The following NRG3 variants were observed in gnomAD, a reference collection of about 807,000 sequenced individuals.
NRG3 encodes the protein pro-neuregulin-3, membrane-bound isoform.
Under a neutral mutation model 66.9 loss-of-function variants are expected in NRG3, and 31 were observed. That is an observed-to-expected ratio of 0.46 (90% confidence interval 0.35 to 0.63). The LOEUF (loss-of-function observed/expected upper bound fraction) is 0.63, where lower values mean the gene tolerates loss of function less well. Among genes scored for constraint, NRG3 ranks in the 20% least tolerant of loss-of-function variants. The pLI is 0.00. For synonymous variants in NRG3, 393 were observed against 359.4 expected (o/e 1.09, Z -1.06); for missense variants, 910 against 878.9 (o/e 1.04, Z -0.45).
intron 2 of NRG3, among the ~76,000 whole-genome samples, chr10:82,737,546 A>T (rs555595977): frequency 6.6e-6 from 1 of 152,114 alleles, no homozygotes; most frequent in African/African-American, 2.4e-5. Context: ...GATTTTTTTT[A>T]ATGCCAGCAG....
intron 2 of NRG3, among the ~76,000 whole-genome samples, chr10:82,605,201 T>C (rs1296695744): frequency 6.6e-6 from 1 of 152,016 alleles, no homozygotes; most frequent in Non-Finnish European, 1.5e-5. Flanking sequence ...TCTTTACCAG[T>C]TTGAGAAAGT....
intron 1 of NRG3, among the ~76,000 whole-genome samples, chr10:82,158,828 T>C (rs2071367149): frequency 6.6e-6 from 1 of 151,894 alleles, no homozygotes; most frequent in Non-Finnish European, 1.5e-5. Context: ...AATAAGAGCC[T>C]TTTTTCCTTC....
chr10:82,762,019 T>TTTTC (rs1269347310), intron 3 of NRG3, among the ~76,000 whole-genome samples: 1 of 151,014 alleles, frequency 6.6e-6, no homozygotes. Context: ...TCTTTCTTTC[T>TTTTC]TTTCTTTCTT....
intron 2 of NRG3, among the ~76,000 whole-genome samples, chr10:82,714,133 A>G (rs1039728375): frequency 6.6e-6 from 1 of 152,254 alleles, no homozygotes; most frequent in Non-Finnish European, 1.5e-5. Flanking sequence ...GATATGTATT[A>G]CTATGTACAA....
At chr10:81,923,204 G>C (rs777562048) in intron 1 of NRG3, among the ~76,000 whole-genome samples, 1 of 150,188 alleles carries the variant, frequency 6.7e-6, no homozygotes, top group South Asian at 2.1e-4. Flanking sequence ...TCACAACTCT[G>C]ATCAGACTAC....
intron 3 of NRG3, among the ~76,000 whole-genome samples, chr10:82,743,558 A>G (rs2058518472): frequency 6.6e-6 from 1 of 152,176 alleles, no homozygotes; most frequent in African/African-American, 2.4e-5. Context: ...ATAAATTTAT[A>G]AACACAGCCC....
chr10:82,132,536 G>GATAT (rs1181932473), intron 1 of NRG3, among the ~76,000 whole-genome samples: 11 of 66,040 alleles, frequency 1.7e-4, no homozygotes, highest in African/African-American at 1.0e-3. Flanking sequence ...ATATATATAT[G>GATAT]ATATATATAT....
intron 1 of NRG3, among the ~76,000 whole-genome samples, chr10:81,885,377 TGC>T (rs1358091183): frequency 1.3e-5 from 2 of 152,272 alleles, no homozygotes; most frequent in East Asian, 3.9e-4. Flanking sequence ...GAGTTGGAGC[TGC>T]ATGCAATGCC....
chr10:82,844,203 G>A (rs1304179024), intron 3 of NRG3, among the ~76,000 whole-genome samples: 1 of 152,102 alleles, frequency 6.6e-6, no homozygotes, highest in Non-Finnish European at 1.5e-5. Flanking sequence ...CCTTTTATGG[G>A]CCTCGTTTAT....
chr10:82,182,416 C>A (rs1324209693), intron 1 of NRG3, among the ~76,000 whole-genome samples: 3 of 151,406 alleles, frequency 2.0e-5, no homozygotes, highest in Non-Finnish European at 3.0e-5. Context: ...TAAATATTAT[C>A]TTTAGCATTA....
intron 2 of NRG3, among the ~76,000 whole-genome samples, chr10:82,380,802 C>T (rs944921099): frequency 6.6e-6 from 1 of 152,144 alleles, no homozygotes; most frequent in Non-Finnish European, 1.5e-5. Flanking sequence ...ATCACTTCCT[C>T]TCCCAGAGAA....
At chr10:82,120,681 T>C (rs1282490185) in intron 1 of NRG3, among the ~76,000 whole-genome samples, 2 of 152,170 alleles carry the variant, frequency 1.3e-5, no homozygotes. Context: ...GAATTACCTC[T>C]TTTGAGGGAC....
At chr10:82,462,905 C>T (rs1231507985) in intron 2 of NRG3, among the ~76,000 whole-genome samples, 1 of 152,068 alleles carries the variant, frequency 6.6e-6, no homozygotes, top group Non-Finnish European at 1.5e-5. Context: ...AACTGTGGCT[C>T]ACAGAGGTTG....
chr10:82,648,512 C>A (rs1263193657), intron 2 of NRG3, among the ~76,000 whole-genome samples: 1 of 152,102 alleles, frequency 6.6e-6, no homozygotes, highest in African/African-American at 2.4e-5. Context: ...TCTGTATGAA[C>A]TTTAAAGTGT....
At chr10:82,574,588 A>G (rs1195026388) in intron 2 of NRG3, among the ~76,000 whole-genome samples, 4 of 151,836 alleles carry the variant, frequency 2.6e-5, no homozygotes, top group African/African-American at 4.8e-5. Flanking sequence ...GGATATCCCA[A>G]ATACACAGAT....
chr10:81,949,281 T>C (rs1849118526), intron 1 of NRG3, among the ~76,000 whole-genome samples: 1 of 152,080 alleles, frequency 6.6e-6, no homozygotes, highest in Admixed American at 6.6e-5. Flanking sequence ...CATATGAGAA[T>C]CATAAGAAAT....
At chr10:81,971,480 A>G (rs2059930878) in intron 1 of NRG3, among the ~76,000 whole-genome samples, 1 of 152,240 alleles carries the variant, frequency 6.6e-6, no homozygotes, top group Non-Finnish European at 1.5e-5. Context: ...GAAAAGATCA[A>G]CTATGATGAC....
At chr10:82,743,706 C>T (rs770791474) in intron 3 of NRG3, among the ~76,000 whole-genome samples, 22 of 151,838 alleles carry the variant, frequency 1.4e-4, no homozygotes, top group Admixed American at 3.9e-4. Context: ...ATATGTGTCA[C>T]AGTGAAGGAA....
At chr10:82,789,974 A>G (rs1467185949) in intron 3 of NRG3, among the ~76,000 whole-genome samples, 1 of 152,140 alleles carries the variant, frequency 6.6e-6, no homozygotes, top group Non-Finnish European at 1.5e-5. Context: ...TTTCAGTGGT[A>G]GAGACAATCT....
Sources: gnomAD v4.1 joint callset for allele counts (sites outside exome capture counted in the v4.1 genomes callset) on GRCh38, gnomAD v4.1.1 for gene constraint, MANE v1.5 for transcripts, NCBI Gene and HGNC (gene_info 2026-07-23, HGNC 2026-07-21) for gene names.